Variants in PIP5K1C observed in about 807,000 individuals in gnomAD.
PIP5K1C encodes phosphatidylinositol-4-phosphate 5-kinase type 1 gamma.
In PIP5K1C, 45 loss-of-function variants were observed where a neutral mutation model predicts 80.1. That is an observed-to-expected ratio of 0.56 (90% CI 0.44 to 0.72). The LOEUF is 0.72. Ranked by LOEUF, PIP5K1C falls within the 30% of genes least tolerant of loss-of-function variation. PIP5K1C has a pLI of 0.00. For missense variants in PIP5K1C, 753 were observed against 954.6 expected (o/e 0.79, Z 2.78); for synonymous variants, 498 against 420.1 (o/e 1.19, Z -2.27).
intron 1 of PIP5K1C, among the ~76,000 whole-genome samples, chr19:3,682,563 C>T (rs1300257450): frequency 6.6e-6 from 1 of 152,000 alleles, no homozygotes; most frequent in Admixed American, 6.6e-5. Context: ...GTGACGTGTG[C>T]CTGTAGTCCC....
chr19:3,684,878 T>C (rs1196056131), intron 1 of PIP5K1C, among the ~76,000 whole-genome samples: 8 of 152,172 alleles, frequency 5.3e-5, no homozygotes, highest in Non-Finnish European at 1.0e-4. Flanking sequence ...TCCACCACTG[T>C]AGACACGTCA....
chr19:3,633,603 G>A, intron 16 of PIP5K1C, 83 bp from the exon 17 acceptor site: 1 of 941,530 alleles, frequency 1.1e-6, no homozygotes, highest in South Asian at 3.0e-5. Flanking sequence ...GGAAGGAAGA[G>A]ACAGGAGAAC....
At chr19:3,666,978 G>A (rs2035034030) in intron 2 of PIP5K1C, among the ~76,000 whole-genome samples, 1 of 146,442 alleles carries the variant, frequency 6.8e-6, no homozygotes. Context: ...GTCCCCCGGC[G>A]AGAGCTGCTC....
At chr19:3,635,100 G>A (rs1158723131) in intron 16 of PIP5K1C, among the ~76,000 whole-genome samples, 1 of 152,234 alleles carries the variant, frequency 6.6e-6, no homozygotes, top group African/African-American at 2.4e-5. Flanking sequence ...AAAATGTGGG[G>A]CCAAAACAGG....
chr19:3,667,406 T>G, intron 1 of PIP5K1C, 53 bp from the exon 2 acceptor site: 1 of 1,609,030 alleles, frequency 6.2e-7, no homozygotes, highest in Non-Finnish European at 8.5e-7. Flanking sequence ...CCTCTGGGAG[T>G]CCTGGGCCCA....
At chr19:3,669,567 A>C (rs2035132339) in intron 1 of PIP5K1C, 1 of 152,274 alleles carries the variant, frequency 6.6e-6, no homozygotes, top group Non-Finnish European at 1.5e-5. Context: ...GCCAGCAAAG[A>C]GTGCAGAGAA....
Position 3,644,147 on chromosome 19 carries a change from G to C in PIP5K1C, c.1450C>G (p.Arg484Gly), listed in dbSNP as rs368186552. 6.2e-7 allele frequency: 1 copy of C among 1,611,896 alleles called. No individual in the cohort carries two copies. The highest frequency in any genetic ancestry group is 1.7e-5 in the Admixed American group (1 of 60,002). Reference sequence around the variant, plus strand: ...CGCAGGTCGTACTGGGCCTCCTCCCGCTCGCTAGGGATCTGGCTGGCCGAG... The same window carrying C: ...CGCAGGTCGTACTGGGCCTCCTCCCCCTCGCTAGGGATCTGGCTGGCCGAG... ...AFSASQIPSE[R>G]EEAQYDLRGA... The change falls in exon 12 of 18, where the codon CGG becomes GGG. Residue 484 changes from arginine to glycine, a missense_variant. Arg to Gly is a moderately radical substitution (Grantham distance 125). This residue lies in a region of PIP5K1C where 315 missense variants were observed against 294.5 expected (regional missense o/e 1.07). Coordinates refer to ENST00000335312, the MANE Select transcript of PIP5K1C (RefSeq NM_012398.3).
chr19:3,652,141 T>G, intron 7 of PIP5K1C, 110 bp from the exon 8 acceptor site: 1 of 959,948 alleles, frequency 1.0e-6, no homozygotes, highest in Non-Finnish European at 1.6e-6. Flanking sequence ...GGCTCGGGTG[T>G]GAGAGATGGA....
chr19:3,686,983 G>A (rs944693998), intron 1 of PIP5K1C, among the ~76,000 whole-genome samples: 4 of 152,002 alleles, frequency 2.6e-5, no homozygotes, highest in South Asian at 2.1e-4. Flanking sequence ...GCCTAAGGTC[G>A]GCAGTTCGAG....
intron 3 of PIP5K1C, 35 bp downstream of exon 3, chr19:3,664,787 C>G (rs201109352): frequency 1.3e-6 from 2 of 1,544,648 alleles, no homozygotes; most frequent in Non-Finnish European, 1.8e-6. Context: ...TGCTCTGTCC[C>G]GCTCCCTCCA....
chr19:3,647,473 G>GTGTCCTGGGGGGT, intron 9 of PIP5K1C, 87 bp from the exon 10 acceptor site: 5 of 1,146,854 alleles, frequency 4.4e-6, no homozygotes, highest in Non-Finnish European at 6.4e-6. Flanking sequence ...GCACCCCCCA[G>GTGTCCTGGGGGGT]GACACTGGGC....
At position 3,696,143 on chromosome 19, in the gene PIP5K1C, G is replaced by A. The variant is rs2036095251; in HGVS notation, c.94+4154C>T. Among the ~76,000 whole-genome samples the A allele has an allele frequency of 6.6e-6, 1 of 152,232 alleles. No individual in the cohort carries two copies. The highest frequency in any genetic ancestry group is 2.4e-5 in the African/African-American group (1 of 41,460). ...CTACACTGTGCTCCAGGCAGGCGGGGCCTCTGCTGGGGCCATGCCCTCTTC... is the reference window on the plus strand; with the variant it reads ...CTACACTGTGCTCCAGGCAGGCGGGACCTCTGCTGGGGCCATGCCCTCTTC... On this transcript the variant is annotated intron_variant, in intron 1 of 17. Transcript: ENST00000335312. This position sits in a 1 kb window ranked among gnomAD's most constrained non-coding sequence, Gnocchi z 4.1.
At chr19:3,693,579 G>A (rs1427612416) in intron 1 of PIP5K1C, among the ~76,000 whole-genome samples, 2 of 152,216 alleles carry the variant, frequency 1.3e-5, no homozygotes, top group Admixed American at 6.5e-5. Context: ...GGCGGCAGGC[G>A]GCAGGCGGCA....
chr19:3,685,780 G>A (rs182223637), intron 1 of PIP5K1C, among the ~76,000 whole-genome samples: 4 of 152,046 alleles, frequency 2.6e-5, no homozygotes, highest in Non-Finnish European at 4.4e-5. Flanking sequence ...ATGTGTTCAC[G>A]AATTGTCTGG....
chr19:3,644,516 T>A (rs962444946), intron 11 of PIP5K1C, among the ~76,000 whole-genome samples: 4 of 152,172 alleles, frequency 2.6e-5, no homozygotes, highest in African/African-American at 9.7e-5. Context: ...CCTCCTGGGA[T>A]CCTGCAGACC....
chr19:3,653,283 C>A lies in PIP5K1C; in HGVS notation c.921+7G>T, dbSNP rs747328963. 4 of 1,604,204 alleles carry A rather than the reference C, an allele frequency of 2.5e-6. No individual in the cohort carries two copies. In the South Asian group the frequency reaches 3.3e-5, roughly 13 times the overall value. The stretch of plus-strand genomic sequence containing the variant: ...CCCTCCCTCCCCGGCCGGGGCCGAG[C>A]CCTCACCAGGCAGTCCCGCTGCAGC... On this transcript the variant is annotated splice_region_variant and intron_variant, in intron 7 of 17. Coordinates refer to ENST00000335312, the MANE Select transcript of PIP5K1C (RefSeq NM_012398.3).
In PIP5K1C at chr19:3,696,066, G is replaced by A. The variant is rs752829624; in HGVS notation, c.94+4231C>T. On this transcript the variant is annotated intron_variant, in intron 1 of 17. Coordinates refer to ENST00000335312, the MANE Select transcript of PIP5K1C (RefSeq NM_012398.3). This position sits in a 1 kb window ranked among gnomAD's most constrained non-coding sequence, Gnocchi z 4.1. ...TTTTACACAGACCACCACAGCTACAGGGAGGCCCTGGTGGCGGTGCTGACT... is the reference window on the plus strand; with the variant it reads ...TTTTACACAGACCACCACAGCTACAAGGAGGCCCTGGTGGCGGTGCTGACT... Among the ~76,000 whole-genome samples, 10 of 152,138 alleles carry A rather than the reference G, an allele frequency of 6.6e-5. No homozygotes were observed. The highest frequency in any genetic ancestry group is 1.5e-4 in the Non-Finnish European group (10 of 68,004).
At chr19:3,693,372 C>T (rs1235221755) in intron 1 of PIP5K1C, among the ~76,000 whole-genome samples, 1 of 152,054 alleles carries the variant, frequency 6.6e-6, no homozygotes, top group Non-Finnish European at 1.5e-5. Flanking sequence ...CCCTCATGCT[C>T]GACTCCAGCC....
intron 1 of PIP5K1C, among the ~76,000 whole-genome samples, chr19:3,697,093 A>T (rs764287351): frequency 2.2e-4 from 34 of 151,234 alleles, no homozygotes; most frequent in Non-Finnish European, 4.6e-4. Context: ...ACCGAGCTGG[A>T]CCGAGGAGGA....
Sources: gnomAD v4.1 joint callset for allele counts (sites outside exome capture counted in the v4.1 genomes callset) on GRCh38, gnomAD v4.1.1 for gene constraint, gnomAD v4.1.1 regional missense constraint, Gnocchi (gnomAD v3.1) non-coding constraint, MANE v1.5 for transcripts, NCBI Gene and HGNC (gene_info 2026-07-23, HGNC 2026-07-21) for gene names.